Variants in HTR4 observed in about 807,000 individuals in gnomAD.
The protein encoded by HTR4 is 5-hydroxytryptamine (serotonin) receptor 4, G protein-coupled.
Under a neutral mutation model 36.8 loss-of-function variants are expected in HTR4, and 16 were observed. The observed-to-expected ratio is 0.43, with a 90% CI of 0.29 to 0.66. The LOEUF is 0.66. HTR4 is among the 30% of genes least tolerant of loss of function. HTR4 has a pLI of 0.13. For missense variants in HTR4, 438 were observed against 490.9 expected (o/e 0.89, Z 1.02); for synonymous variants, 189 against 185.1 (o/e 1.02, Z -0.17).
At chr5:148,478,980 G>A (rs1755791572), downstream of HTR4, among the ~76,000 whole-genome samples, 1 of 151,954 alleles carries the variant, frequency 6.6e-6, no homozygotes, top group Admixed American at 6.6e-5. Flanking sequence ...CAGGCTCTTG[G>A]ATGGCTCGTG....
At chr5:148,524,180 T>G (rs537190560) in intron 4 of HTR4, among the ~76,000 whole-genome samples, 24 of 152,268 alleles carry the variant, frequency 1.6e-4, no homozygotes, top group African/African-American at 5.8e-4. Context: ...AAGTGTGAGT[T>G]ATTGTTAAGG....
chr5:148,490,528 C>A, intron 6 of HTR4: 16 of 1,102,394 alleles, frequency 1.5e-5, no homozygotes, highest in Non-Finnish European at 1.8e-5. Context: ...CACTGTGGGA[C>A]GATGCTTATG....
chr5:148,489,558 T>G (rs910727656), intron 6 of HTR4, among the ~76,000 whole-genome samples: 41 of 152,130 alleles, frequency 2.7e-4, no homozygotes, highest in African/African-American at 9.4e-4. Context: ...GCAGGAAAGT[T>G]TAGAGAACTC....
At chr5:148,627,891 A>T (rs1324981560) in intron 2 of HTR4, among the ~76,000 whole-genome samples, 1 of 152,234 alleles carries the variant, frequency 6.6e-6, no homozygotes, top group Non-Finnish European at 1.5e-5. Context: ...GTTGAGGATA[A>T]TTTTTACCAC....
intron 5 of HTR4, among the ~76,000 whole-genome samples, chr5:148,453,311 G>T (rs2113683735): frequency 6.6e-6 from 1 of 152,272 alleles, no homozygotes; most frequent in South Asian, 2.1e-4. Context: ...AAGTTTTTGT[G>T]ATTATTTTAT....
At chr5:148,514,184 T>C in intron 5 of HTR4, among the ~76,000 whole-genome samples, 1 of 152,156 alleles carries the variant, frequency 6.6e-6, no homozygotes, top group East Asian at 1.9e-4. Context: ...TCACTCCCAG[T>C]TTTAGGGGAT....
chr5:148,506,079 C>T (rs1372165374), intron 6 of HTR4, among the ~76,000 whole-genome samples: 3 of 152,048 alleles, frequency 2.0e-5, no homozygotes, highest in Non-Finnish European at 4.4e-5. Flanking sequence ...AACCCTAAGC[C>T]AAAAGAACAA....
At chr5:148,466,026 TCTC>T (rs1755418315) in intron 5 of HTR4, 1 of 1,546,456 alleles carries the variant, frequency 6.5e-7, no homozygotes, top group East Asian at 2.3e-5. Flanking sequence ...AGACACATGA[TCTC>T]AGCCTAAATA....
chr5:148,540,427 T>C (rs1247598578), intron 4 of HTR4, among the ~76,000 whole-genome samples: 2 of 136,238 alleles, frequency 1.5e-5, no homozygotes, highest in Admixed American at 7.2e-5. Context: ...TATATATATA[T>C]ATATATATAT....
chr5:148,615,708 G>GAAAGAAATA (rs540458890), intron 2 of HTR4, among the ~76,000 whole-genome samples: 6 of 145,528 alleles, frequency 4.1e-5, no homozygotes, highest in African/African-American at 1.0e-4. Context: ...AAGAAAGAAA[G>GAAAGAAATA]AAATAAAATA....
At chr5:148,555,945 G>GTC (rs1428131748) in intron 2 of HTR4, among the ~76,000 whole-genome samples, 7 of 127,402 alleles carry the variant, frequency 5.5e-5, no homozygotes, top group African/African-American at 2.4e-4. Context: ...GTTATACTTT[G>GTC]TCACACACAC....
chr5:148,576,124 A>AAAAAAAAAC (rs1760901379), intron 2 of HTR4, among the ~76,000 whole-genome samples: 7 of 147,502 alleles, frequency 4.7e-5, no homozygotes, highest in African/African-American at 1.5e-4. Context: ...AAAAAAAAAA[A>AAAAAAAAAC]AAAAAAAAAC....
chr5:148,532,860 T>C (rs1176149486), intron 4 of HTR4, among the ~76,000 whole-genome samples: 2 of 152,202 alleles, frequency 1.3e-5, no homozygotes, highest in African/African-American at 4.8e-5. Context: ...AAACACAGAT[T>C]GCTGGTAGGT....
At chr5:148,604,614 A>G (rs1312988724) in intron 2 of HTR4, among the ~76,000 whole-genome samples, 2 of 152,234 alleles carry the variant, frequency 1.3e-5, no homozygotes, top group African/African-American at 4.8e-5. Context: ...AAGGTCCACT[A>G]TTAAAATGAA....
At chr5:148,601,116 G>A (rs1277552016) in intron 2 of HTR4, among the ~76,000 whole-genome samples, 1 of 151,092 alleles carries the variant, frequency 6.6e-6, no homozygotes, top group African/African-American at 2.4e-5. Flanking sequence ...TAATCATCAG[G>A]AACATGCAAA....
chr5:148,473,678 C>G (rs1402614464), downstream of HTR4, among the ~76,000 whole-genome samples: 8 of 152,142 alleles, frequency 5.3e-5, no homozygotes, highest in East Asian at 1.9e-4. Flanking sequence ...TATCTCTCCT[C>G]TAACAGCGCA....
rs1270197104 is a variant in HTR4, at chr5:148,609,540, CA to C, written c.26+27448del. Among the ~76,000 whole-genome samples the C allele has an allele frequency of 5.3e-5, 8 of 151,480 alleles. 1 individual carries two copies. Among genetic ancestry groups the C allele is most frequent in the African/African-American group, 1.9e-4 (8 of 41,302 alleles). On this transcript the variant is annotated intron_variant, in intron 2 of 6. Transcript: ENST00000377888. ...TATTGAGAAAGGGCATATTAGGCCC[CA>C]CTTTTGTATAATGTGCTTGTGTATA...
intron 4 of HTR4, among the ~76,000 whole-genome samples, chr5:148,525,228 T>G (rs1320942428): frequency 6.6e-6 from 1 of 152,216 alleles, no homozygotes; most frequent in Non-Finnish European, 1.5e-5. Flanking sequence ...ACAAATTATA[T>G]CTGAGTAGCA....
downstream of HTR4, chr5:148,476,752 G>A: frequency 6.2e-7 from 1 of 1,613,228 alleles, no homozygotes; most frequent in South Asian, 1.1e-5. Context: ...AAATCTGGTA[G>A]GAGAGATCAA....
Sources: allele counts gnomAD v4.1 joint callset (sites outside exome capture counted in the v4.1 genomes callset), GRCh38; gene constraint gnomAD v4.1.1; transcripts MANE v1.5; gene names NCBI Gene and HGNC (gene_info 2026-07-23, HGNC 2026-07-21).